CNBD1: variants seen among roughly 807,000 people sequenced by gnomAD.
CNBD1 encodes the protein cyclic nucleotide binding domain containing 1, also known as cyclic nucleotide-binding domain-containing protein 1.
In CNBD1, 71 loss-of-function variants were observed where a neutral mutation model predicts 54.4. The observed-to-expected ratio is 1.30, with a 90% confidence interval of 1.08 to 1.59. The LOEUF (loss-of-function observed/expected upper bound fraction) is 1.59, where lower values mean the gene tolerates loss of function less well. CNBD1 is among the 40% of genes most tolerant of loss of function. The pLI, the probability that CNBD1 is intolerant of heterozygous loss-of-function variation, is 0.00. For missense variants in CNBD1, 659 were observed against 518.0 expected, an observed-to-expected ratio of 1.27 and a Z score of -2.64; for synonymous variants, 182 against 170.7, an observed-to-expected ratio of 1.07 and a Z score of -0.51.
intron 4 of CNBD1, among the ~76,000 whole-genome samples, chr8:86,953,104 G>A (rs894781673): frequency 6.6e-6 from 1 of 152,128 alleles, no homozygotes; most frequent in Non-Finnish European, 1.5e-5. Flanking sequence ...TCCACTGTAT[G>A]AATATACCAT....
chr8:87,343,441 G>A (rs1422435448), intron 8 of CNBD1, among the ~76,000 whole-genome samples: 1 of 152,194 alleles, frequency 6.6e-6, no homozygotes, highest in Non-Finnish European at 1.5e-5. Flanking sequence ...ACTAATAAAT[G>A]TCCATGAAAT....
At chr8:87,408,881 A>G (rs1265324835) in intron 2 of CNBD1, among the ~76,000 whole-genome samples, 1 of 152,008 alleles carries the variant, frequency 6.6e-6, no homozygotes, top group Non-Finnish European at 1.5e-5. Flanking sequence ...TGCAAACCTA[A>G]TCAATAAATG....
rs775090541 is a variant in CNBD1 at position 87,284,686 on chromosome 8, A to G, written c.780A>G (p.Lys260=). The change falls in exon 7 of 11, where the codon AAA becomes AAG. Residue 260 remains lysine, a synonymous_variant. Coordinates refer to ENST00000518476, the MANE Select transcript of CNBD1 (RefSeq NM_173538.3). Reference sequence around the variant, plus strand: ...CTCTGGTATTTTTACAGCTTAGCAAATGGAGTACCTTTGGGACTCTGGAAG... The same window carrying G: ...CTCTGGTATTTTTACAGCTTAGCAAGTGGAGTACCTTTGGGACTCTGGAAG... The part of the protein sequence containing the change: ...YLPSYDSMLS[K]WSTFGTLEVM... 4.4e-6 allele frequency: 7 copies of G among 1,600,950 alleles called. No homozygotes were observed. In the South Asian group the frequency reaches 7.9e-5, roughly 18 times the overall value.
At chr8:87,176,092 G>A (rs1813191471) in intron 4 of CNBD1, among the ~76,000 whole-genome samples, 1 of 152,210 alleles carries the variant, frequency 6.6e-6, no homozygotes. Context: ...GGCAGGGTGG[G>A]TGATGGGAGG....
intron 4 of CNBD1, among the ~76,000 whole-genome samples, chr8:87,187,165 G>T (rs967373563): frequency 1.3e-5 from 2 of 151,212 alleles, no homozygotes; most frequent in African/African-American, 2.4e-5. Flanking sequence ...AAAATTAAAA[G>T]ATTTATATAG....
chr8:87,315,047 C>T (rs1316054129), intron 8 of CNBD1, among the ~76,000 whole-genome samples: 1 of 151,764 alleles, frequency 6.6e-6, no homozygotes. Flanking sequence ...AGCAAAAGTA[C>T]TTAGAAAATA....
chr8:87,180,773 T>C (rs1347280619), intron 4 of CNBD1, among the ~76,000 whole-genome samples: 2 of 152,174 alleles, frequency 1.3e-5, no homozygotes, highest in Non-Finnish European at 1.5e-5. Flanking sequence ...TGTGTTTGAC[T>C]CTCAGGCAGT....
At chr8:87,344,630 A>G (rs1033412775) in intron 8 of CNBD1, among the ~76,000 whole-genome samples, 3 of 151,972 alleles carry the variant, frequency 2.0e-5, no homozygotes, top group African/African-American at 7.2e-5. Flanking sequence ...GACTACTTTA[A>G]TGTAAACCAA....
chr8:87,389,060 C>T (rs1563582867), intron 2 of CNBD1, among the ~76,000 whole-genome samples: 1 of 152,158 alleles, frequency 6.6e-6, no homozygotes, highest in Non-Finnish European at 1.5e-5. Flanking sequence ...GCCCTTGATG[C>T]TAAAATCTCT....
intron 8 of CNBD1, among the ~76,000 whole-genome samples, chr8:87,332,106 G>A (rs1809846481): frequency 6.6e-6 from 1 of 152,146 alleles, no homozygotes; most frequent in Non-Finnish European, 1.5e-5. Context: ...CCAGCACTTT[G>A]GAAGTCTGAG....
intron 8 of CNBD1, among the ~76,000 whole-genome samples, chr8:87,301,374 C>T (rs143681461): frequency 2.0e-5 from 3 of 152,204 alleles, no homozygotes; most frequent in African/African-American, 7.2e-5. Context: ...AATACCAAAA[C>T]CAGGAAAAGA....
rs541165496 is a variant in CNBD1 at position 87,032,735 on chromosome 8, C to A, written c.431+92981C>A. The stretch of plus-strand genomic sequence containing the variant: ...TCCACCATTTGCTTTAGTTTCATTG[C>A]CCATATTGTAGAAAGATCAATGTCA... On this transcript the variant is annotated intron_variant, in intron 4 of 10. Coordinates refer to ENST00000518476, the MANE Select transcript of CNBD1 (RefSeq NM_173538.3). Among the ~76,000 whole-genome samples, 10 of 152,228 alleles carry A rather than the reference C, an allele frequency of 6.6e-5. No homozygotes were observed. The South Asian group carries it at 1.7e-3, about 25-fold the overall frequency.
intron 4 of CNBD1, among the ~76,000 whole-genome samples, chr8:86,953,682 C>T (rs1807685265): frequency 6.6e-6 from 1 of 152,028 alleles, no homozygotes; most frequent in Admixed American, 6.5e-5. Flanking sequence ...GCCTGGCCAA[C>T]ATAGTGTGAC....
At chr8:87,372,125 G>T (rs1301450961) in intron 10 of CNBD1, among the ~76,000 whole-genome samples, 3 of 152,006 alleles carry the variant, frequency 2.0e-5, no homozygotes, top group African/African-American at 7.2e-5. Context: ...AAGCTGATAA[G>T]CAACTTCAGC....
intron 2 of CNBD1, among the ~76,000 whole-genome samples, chr8:87,400,074 G>A (rs1252947801): frequency 1.3e-5 from 2 of 151,832 alleles, no homozygotes; most frequent in East Asian, 1.9e-4. Flanking sequence ...ACATTCCATA[G>A]GTTCTTCCAG....
chr8:87,258,877 A>G (rs72665091), intron 6 of CNBD1, among the ~76,000 whole-genome samples: 4,839 of 152,214 alleles, frequency 0.032, 108 homozygotes, highest in Non-Finnish European at 0.05. Flanking sequence ...TTTAGTGAAT[A>G]TTTTCACACA....
chr8:87,192,023 G>A (rs1378280255), intron 4 of CNBD1, among the ~76,000 whole-genome samples: 5 of 152,038 alleles, frequency 3.3e-5, no homozygotes, highest in Non-Finnish European at 2.9e-5. Flanking sequence ...CTATGTTATT[G>A]AGAATAATTT....
At chr8:87,217,682 CATG>C (rs1179159816) in intron 5 of CNBD1, among the ~76,000 whole-genome samples, 1 of 150,420 alleles carries the variant, frequency 6.6e-6, no homozygotes. Context: ...GCCAACTATT[CATG>C]ATATTTATTA....
chr8:87,267,953 A>G (rs552659117), intron 6 of CNBD1, among the ~76,000 whole-genome samples: 6 of 152,140 alleles, frequency 3.9e-5, no homozygotes, highest in Non-Finnish European at 8.8e-5. Context: ...GTTTAGTAGT[A>G]TTCTGTTTGC....
Sources: gnomAD v4.1 joint callset for allele counts (sites outside exome capture counted in the v4.1 genomes callset) on GRCh38, gnomAD v4.1.1 for gene constraint, MANE v1.5 for transcripts, NCBI Gene and HGNC (gene_info 2026-07-23, HGNC 2026-07-21) for gene names.